Variants in RPTOR observed in about 807,000 individuals in gnomAD.
RPTOR encodes regulatory associated protein of MTOR complex 1.
A neutral mutation model predicts 169.9 loss-of-function variants in RPTOR; 21 were observed. That is an observed-to-expected ratio of 0.12 (90% CI 0.09 to 0.18). The LOEUF is 0.18. Ranked by LOEUF, RPTOR falls within the 10% of genes least tolerant of loss-of-function variation. The pLI, the probability that RPTOR is intolerant of heterozygous loss-of-function variation, is 1.00. For missense variants in RPTOR, 1,133 were observed against 1,855.9 expected (o/e 0.61, Z 7.16); for synonymous variants, 732 against 753.2 (o/e 0.97, Z 0.46).
intron 13 of RPTOR, among the ~76,000 whole-genome samples, chr17:80,868,055 GACAA>G (rs1775922068): frequency 6.6e-6 from 1 of 152,132 alleles, no homozygotes; most frequent in Non-Finnish European, 1.5e-5. Flanking sequence ...GCTTCAAATG[GACAA>G]ACAGATAATG....
chr17:80,867,322 G>T (rs780473800), intron 13 of RPTOR, among the ~76,000 whole-genome samples: 1 of 151,410 alleles, frequency 6.6e-6, no homozygotes, highest in Non-Finnish European at 1.5e-5. Context: ...AAGAGATGCA[G>T]GCAAAGTATT....
At chr17:80,737,816 C>G (rs1179142832) in intron 5 of RPTOR, among the ~76,000 whole-genome samples, 18 of 151,570 alleles carry the variant, frequency 1.2e-4, no homozygotes. Context: ...CCCGCCCCCC[C>G]GCCACACTCA....
In RPTOR at chr17:80,860,863, C is replaced by T. The variant is rs919494428; in HGVS notation, c.1509+2963C>T. 2.6e-5 allele frequency among the ~76,000 whole-genome samples: 4 copies of T among 152,144 alleles called. No individual in the cohort carries two copies. Among genetic ancestry groups the T allele is most frequent in the South Asian group, 4.2e-4 (2 of 4,816 alleles). ...GGCTCTGCTGGCACGGGTCGGCTAC[C>T]GTGCTTGCCATCTCTCCCAGCTGCT... On this transcript the variant is annotated intron_variant, in intron 13 of 33. Coordinates refer to ENST00000306801, the MANE Select transcript of RPTOR (RefSeq NM_020761.3). The surrounding 1 kb of genome is among the most constrained non-coding windows in gnomAD (Gnocchi z 5.8).
At chr17:80,951,387 A>G (rs542978479) in intron 28 of RPTOR, among the ~76,000 whole-genome samples, 1 of 152,280 alleles carries the variant, frequency 6.6e-6, no homozygotes, top group East Asian at 1.9e-4. Flanking sequence ...CAGACCCTCC[A>G]GTGCTTCCTT....
At chr17:80,890,288 C>G (rs916725534) in intron 17 of RPTOR, among the ~76,000 whole-genome samples, 2 of 152,246 alleles carry the variant, frequency 1.3e-5, no homozygotes, top group African/African-American at 4.8e-5. Flanking sequence ...GGAAAAAAAT[C>G]GGTGCTTTCT....
intron 20 of RPTOR, among the ~76,000 whole-genome samples, chr17:80,904,932 G>T (rs1378556006): frequency 6.6e-6 from 1 of 152,052 alleles, no homozygotes; most frequent in Non-Finnish European, 1.5e-5. Flanking sequence ...TTTTTCCCCT[G>T]TTGAGTCGCA....
At chr17:80,826,182 A>T (rs2067440784) in intron 9 of RPTOR, among the ~76,000 whole-genome samples, 1 of 152,056 alleles carries the variant, frequency 6.6e-6, no homozygotes, top group Non-Finnish European at 1.5e-5. Context: ...CCTGAAGGGG[A>T]TCCCGGCCCC....
At chr17:80,925,340 C>G (rs373004287) in intron 23 of RPTOR, 30 bp from the exon 24 acceptor site, 2 of 1,593,386 alleles carry the variant, frequency 1.3e-6, no homozygotes, top group African/African-American at 2.7e-5. Context: ...GTTTCTTTTT[C>G]CTTCCAACCC....
At chr17:80,859,099 G>A (rs1286335718) in intron 13 of RPTOR, among the ~76,000 whole-genome samples, 2 of 152,192 alleles carry the variant, frequency 1.3e-5, no homozygotes, top group East Asian at 1.9e-4. Flanking sequence ...CTGTGTGGCC[G>A]GCTGGGGCTC....
chr17:80,798,954 G>C (rs1402927213), intron 7 of RPTOR, among the ~76,000 whole-genome samples: 4 of 152,146 alleles, frequency 2.6e-5, no homozygotes, highest in Non-Finnish European at 5.9e-5. Flanking sequence ...TGGGTTCCCT[G>C]AGTCACACCT....
rs2067387423 is a variant in RPTOR at position 80,822,265 on chromosome 17, A to G, written c.955A>G (p.Ile319Val). 6.2e-7 allele frequency: 1 copy of G among 1,614,228 alleles called. No individual in the cohort carries two copies. Among genetic ancestry groups the G allele is most frequent in the Non-Finnish European group, 8.5e-7 (1 of 1,180,030 alleles). Residue 319 changes from isoleucine (I) to valine (V), a missense_variant, in exon 8 of 34, where the codon ATC becomes GTC. Around this residue, in one of 9 missense-constraint regions of RPTOR, gnomAD observed 289 missense variants for 585.8 expected, o/e 0.49. Coordinates refer to ENST00000306801, the MANE Select transcript of RPTOR (RefSeq NM_020761.3). Reference protein sequence around the residue: ...LGELNWIFTAITDTIAWNVLP... With the variant: ...LGELNWIFTAVTDTIAWNVLP... ...TGAACTGAACTGGATCTTCACAGCC[A>G]TCACAGACACCATCGCGTGGAACGT...
At chr17:80,744,763 C>T (rs112091278) in intron 5 of RPTOR, among the ~76,000 whole-genome samples, 59 of 50,066 alleles carry the variant, frequency 1.2e-3, no homozygotes, top group East Asian at 3.2e-3. Context: ...ACTGTCCTGG[C>T]TACTAGCACT....
intron 3 of RPTOR, among the ~76,000 whole-genome samples, chr17:80,698,468 G>C (rs529887278): frequency 6.6e-6 from 1 of 152,164 alleles, no homozygotes; most frequent in Admixed American, 6.5e-5. Context: ...CCTGCTCCCC[G>C]GGGGCCATTC....
intron 24 of RPTOR, among the ~76,000 whole-genome samples, chr17:80,926,323 C>T (rs1432373933): frequency 6.6e-6 from 1 of 152,164 alleles, no homozygotes; most frequent in Non-Finnish European, 1.5e-5. Context: ...ACTACGGAGC[C>T]CCTTTACTGC....
At chr17:80,650,444 G>T (rs184277899) in intron 3 of RPTOR, among the ~76,000 whole-genome samples, 3 of 152,180 alleles carry the variant, frequency 2.0e-5, no homozygotes, top group African/African-American at 7.2e-5. Flanking sequence ...GGGCGGGAGC[G>T]CCCCTCTCAC....
chr17:80,789,094 A>G (rs1401178189), intron 6 of RPTOR, among the ~76,000 whole-genome samples: 2 of 152,220 alleles, frequency 1.3e-5, no homozygotes, highest in Non-Finnish European at 2.9e-5. Context: ...AGGGAACATT[A>G]TATTTTCACT....
intron 3 of RPTOR, among the ~76,000 whole-genome samples, chr17:80,665,499 TTTCCATGTC>T (rs2065768312): frequency 2.2e-5 from 1 of 46,428 alleles, no homozygotes; most frequent in African/African-American, 1.4e-4. Context: ...TTTCCTTTCC[TTTCCATGTC>T]CTTTCCTTTC....
At position 80,730,762 on chromosome 17, in the gene RPTOR, G is replaced by C. The variant is rs531881735; in HGVS notation, c.654+56G>C. 8.1e-6 allele frequency: 12 copies of C among 1,478,198 alleles called. No homozygotes were observed. The African/African-American group carries it at 9.7e-5, about 12-fold the overall frequency. The allele number at this position is 1,478,198 out of a possible 1,614,324, so 91.6% of individuals were successfully genotyped here. ...TGGGTTTGGTTTTGTTTTCCCTGGG[G>C]GTGGGGTTTGGGTGGGGAGGTTGGG... On this transcript the variant is annotated intron_variant, in intron 5 of 33. Transcript: ENST00000306801. This position sits in a 1 kb window ranked among gnomAD's most constrained non-coding sequence, Gnocchi z 4.2.
chr17:80,914,091 A>T (rs902010926), intron 21 of RPTOR, among the ~76,000 whole-genome samples: 1 of 152,242 alleles, frequency 6.6e-6, no homozygotes, highest in Non-Finnish European at 1.5e-5. Context: ...GGAGATGAGA[A>T]AGGGGTGTAC....
Sources: allele counts gnomAD v4.1 joint callset (sites outside exome capture counted in the v4.1 genomes callset), GRCh38; gene constraint gnomAD v4.1.1; regional missense constraint gnomAD v4.1.1; non-coding constraint Gnocchi (gnomAD v3.1); transcripts MANE v1.5; gene names NCBI Gene and HGNC (gene_info 2026-07-23, HGNC 2026-07-21).